NAALADL2: variants seen among roughly 807,000 people sequenced by gnomAD.
NAALADL2 encodes N-acetylated alpha-linked acidic dipeptidase like 2.
Under a neutral mutation model 87.2 loss-of-function variants are expected in NAALADL2, and 76 were observed. The observed-to-expected ratio is 0.87, with a 90% CI of 0.72 to 1.05. The LOEUF is 1.05. Among genes scored for constraint, NAALADL2 ranks in the 50% least tolerant of loss-of-function variants. The pLI, the probability that NAALADL2 is intolerant of heterozygous loss-of-function variation, is 0.00. For synonymous variants in NAALADL2, 354 were observed against 331.0 expected, an observed-to-expected ratio of 1.07 and a Z score of -0.75; for missense variants, 1,089 against 945.8, an observed-to-expected ratio of 1.15 and a Z score of -1.99.
chr3:174,500,859 ATT>A (rs71300442), intron 1 of NAALADL2, among the ~76,000 whole-genome samples: 7 of 143,472 alleles, frequency 4.9e-5, no homozygotes, highest in Admixed American at 1.4e-4. Context: ...CCATTGGATA[ATT>A]TTTTTTTTTT....
At chr3:175,294,243 A>C (rs1262772321) in intron 4 of NAALADL2, among the ~76,000 whole-genome samples, 5 of 152,184 alleles carry the variant, frequency 3.3e-5, no homozygotes, top group Non-Finnish European at 7.4e-5. Context: ...TATACTTTTC[A>C]AGTTTGTTGT....
chr3:175,602,467 TAG>T (rs556252372), intron 10 of NAALADL2, among the ~76,000 whole-genome samples: 3 of 142,372 alleles, frequency 2.1e-5, no homozygotes, highest in African/African-American at 8.2e-5. Context: ...TCTATATATA[TAG>T]AGAGAGAGAG....
chr3:175,438,571 GT>G, intron 5 of NAALADL2, among the ~76,000 whole-genome samples: 1 of 151,918 alleles, frequency 6.6e-6, no homozygotes, highest in Non-Finnish European at 1.5e-5. Context: ...TAAAATCTCA[GT>G]TTTTTTCAGC....
At chr3:174,710,230 C>CTTTTT (rs57899491) in intron 2 of NAALADL2, among the ~76,000 whole-genome samples, 3 of 136,346 alleles carry the variant, frequency 2.2e-5, no homozygotes, top group Non-Finnish European at 3.1e-5. Context: ...TATGAGCCTC[C>CTTTTT]TTTTTTTTTT....
intron 10 of NAALADL2, among the ~76,000 whole-genome samples, chr3:175,612,083 A>C (rs1724722802): frequency 6.6e-6 from 1 of 152,222 alleles, no homozygotes; most frequent in Admixed American, 6.5e-5. Context: ...TACATAGAAA[A>C]ATAAAGACTT....
chr3:175,541,669 T>TC (rs200632575), intron 9 of NAALADL2, among the ~76,000 whole-genome samples: 242 of 152,220 alleles, frequency 1.6e-3, no homozygotes, highest in African/African-American at 5.6e-3. Context: ...TCCTTTTTTT[T>TC]CCCCTCAAAT....
At chr3:175,055,768 G>C (rs532734984) in intron 1 of NAALADL2, among the ~76,000 whole-genome samples, 1 of 152,054 alleles carries the variant, frequency 6.6e-6, no homozygotes, top group African/African-American at 2.4e-5. Context: ...TTTTTAGTAC[G>C]ACCATGCTTC....
intron 13 of NAALADL2, among the ~76,000 whole-genome samples, chr3:175,788,316 T>G (rs981477889): frequency 6.6e-6 from 1 of 152,006 alleles, no homozygotes; most frequent in Non-Finnish European, 1.5e-5. Flanking sequence ...GGTCTGGAAC[T>G]CCTGAGCTCA....
At chr3:175,463,665 C>A (rs1413196270) in intron 7 of NAALADL2, among the ~76,000 whole-genome samples, 172 bp downstream of exon 7, 1 of 147,038 alleles carries the variant, frequency 6.8e-6, no homozygotes, top group African/African-American at 2.6e-5. Flanking sequence ...CCTTCTCTTT[C>A]CTACCGTATC....
At chr3:175,414,873 GAT>G (rs1279281536) in intron 5 of NAALADL2, among the ~76,000 whole-genome samples, 1 of 152,086 alleles carries the variant, frequency 6.6e-6, no homozygotes, top group Non-Finnish European at 1.5e-5. Context: ...AAGACAAAAA[GAT>G]ATGAGAAGAA....
At chr3:174,974,802 GAGAA>G (rs748631171) in intron 1 of NAALADL2, among the ~76,000 whole-genome samples, 14 of 152,128 alleles carry the variant, frequency 9.2e-5, no homozygotes, top group Non-Finnish European at 1.8e-4. Flanking sequence ...CAGAGAGAAA[GAGAA>G]AGAGGGAGAG....
chr3:175,473,845 G>A (rs1401054515), intron 9 of NAALADL2, among the ~76,000 whole-genome samples: 2 of 151,962 alleles, frequency 1.3e-5, no homozygotes, highest in Non-Finnish European at 2.9e-5. Context: ...TTCCAATACT[G>A]AAGATTTTAT....
chr3:175,692,059 G>A (rs1170754865), intron 11 of NAALADL2, among the ~76,000 whole-genome samples: 1 of 151,890 alleles, frequency 6.6e-6, no homozygotes, highest in Non-Finnish European at 1.5e-5. Flanking sequence ...ATCTCAAGTT[G>A]TATACCTCTT....
At chr3:174,984,503 T>C (rs1579862890) in intron 1 of NAALADL2, among the ~76,000 whole-genome samples, 1 of 152,306 alleles carries the variant, frequency 6.6e-6, no homozygotes, top group East Asian at 1.9e-4. Flanking sequence ...ACTTGGGATC[T>C]TATTGTCAGT....
chr3:175,227,335 C>T (rs1195730850), intron 2 of NAALADL2, among the ~76,000 whole-genome samples: 2 of 151,900 alleles, frequency 1.3e-5, no homozygotes, highest in African/African-American at 2.4e-5. Context: ...TTCTAATCTC[C>T]ATTGGCCAAT....
intron 3 of NAALADL2, among the ~76,000 whole-genome samples, chr3:174,824,579 T>G (rs1721781678): frequency 6.6e-6 from 1 of 152,224 alleles, no homozygotes; most frequent in Non-Finnish European, 1.5e-5. Context: ...TGCATCCACA[T>G]AAGTGATTTG....
chr3:174,942,862 T>C (rs1483495121), intron 1 of NAALADL2, among the ~76,000 whole-genome samples: 1 of 152,220 alleles, frequency 6.6e-6, no homozygotes, highest in African/African-American at 2.4e-5. Context: ...AATTCTTGTA[T>C]TTTGTCATTA....
intron 4 of NAALADL2, among the ~76,000 whole-genome samples, chr3:175,264,636 T>C (rs1751626146): frequency 6.6e-6 from 1 of 151,722 alleles, no homozygotes. Flanking sequence ...ATAAAACAGA[T>C]ATAAATAAAT....
chr3:175,408,565 C>T (rs1382151356), intron 5 of NAALADL2, among the ~76,000 whole-genome samples: 1 of 151,884 alleles, frequency 6.6e-6, no homozygotes, highest in African/African-American at 2.4e-5. Flanking sequence ...CTTGGAGCAC[C>T]TGATAAAATT....
Sources: allele counts gnomAD v4.1 joint callset (sites outside exome capture counted in the v4.1 genomes callset), GRCh38; gene constraint gnomAD v4.1.1; transcripts MANE v1.5; gene names NCBI Gene and HGNC (gene_info 2026-07-23, HGNC 2026-07-21).